INPP4B: variants seen among roughly 807,000 people sequenced by gnomAD.
INPP4B encodes inositol polyphosphate 4-phosphatase type II.
INPP4B carries 55 observed loss-of-function variants against 122.5 expected under a neutral mutation model. The observed-to-expected ratio is 0.45, with a 90% CI of 0.36 to 0.56. INPP4B has a LOEUF of 0.56. Ranked by LOEUF, INPP4B falls within the 20% of genes least tolerant of loss-of-function variation. The pLI is 0.00. For missense variants in INPP4B, 1,000 were observed against 1,097.7 expected, an observed-to-expected ratio of 0.91 and a Z score of 1.26; for synonymous variants, 403 against 388.7, an observed-to-expected ratio of 1.04 and a Z score of -0.43.
At chr4:142,669,187 G>A (rs531894887) in intron 2 of INPP4B, among the ~76,000 whole-genome samples, 63 of 152,252 alleles carry the variant, frequency 4.1e-4, no homozygotes, top group African/African-American at 1.5e-3. Flanking sequence ...TAAATGGAAA[G>A]ATATCCTGTG....
At chr4:142,428,774 G>C (rs2149358073) in intron 5 of INPP4B, among the ~76,000 whole-genome samples, 1 of 152,060 alleles carries the variant, frequency 6.6e-6, no homozygotes, top group East Asian at 1.9e-4. Context: ...GAGAGAAATG[G>C]GCAAGAATCC....
intron 2 of INPP4B, among the ~76,000 whole-genome samples, chr4:142,501,470 C>T (rs1218086460): frequency 6.6e-6 from 1 of 152,026 alleles, no homozygotes; most frequent in East Asian, 1.9e-4. Context: ...TGAATTATCA[C>T]TGCCAGAAAC....
At chr4:142,221,541 G>A (rs1002666588) in intron 12 of INPP4B, among the ~76,000 whole-genome samples, 3 of 151,944 alleles carry the variant, frequency 2.0e-5, no homozygotes, top group African/African-American at 7.2e-5. Context: ...CAAGGATTGA[G>A]TAGACAGTAT....
chr4:142,590,407 G>T (rs1229467015), intron 2 of INPP4B, among the ~76,000 whole-genome samples: 1 of 152,186 alleles, frequency 6.6e-6, no homozygotes, highest in African/African-American at 2.4e-5. Flanking sequence ...TGTGTTTAGT[G>T]ATTAAGACTG....
chr4:142,265,274 TC>T (rs1332588142), intron 10 of INPP4B, among the ~76,000 whole-genome samples: 5 of 152,360 alleles, frequency 3.3e-5, no homozygotes, highest in Non-Finnish European at 7.3e-5. Flanking sequence ...TGTGTCACTT[TC>T]ATGGCACATG....
intron 2 of INPP4B, among the ~76,000 whole-genome samples, chr4:142,578,316 A>G (rs1411968608): frequency 1.3e-5 from 2 of 151,914 alleles, no homozygotes. Context: ...CCTCGTGACT[A>G]TCTTATTTTT....
chr4:142,505,907 T>C (rs1356496591), intron 2 of INPP4B, among the ~76,000 whole-genome samples: 1 of 152,224 alleles, frequency 6.6e-6, no homozygotes, highest in Non-Finnish European at 1.5e-5. Flanking sequence ...ATTCCTGCAA[T>C]GCCTACTCAA....
intron 7 of INPP4B, among the ~76,000 whole-genome samples, chr4:142,368,275 G>C (rs1471534982): frequency 6.6e-6 from 1 of 151,952 alleles, no homozygotes; most frequent in Non-Finnish European, 1.5e-5. Context: ...TGTATCTATA[G>C]TTCCAAACAT....
At chr4:142,556,260 T>G (rs927434120) in intron 2 of INPP4B, among the ~76,000 whole-genome samples, 5 of 152,180 alleles carry the variant, frequency 3.3e-5, no homozygotes, top group Admixed American at 6.5e-5. Context: ...AGAAACTTCT[T>G]TGGTGCAAGT....
intron 23 of INPP4B, among the ~76,000 whole-genome samples, chr4:142,090,381 A>G (rs1778948777): frequency 7.7e-6 from 1 of 129,778 alleles, no homozygotes; most frequent in Non-Finnish European, 1.7e-5. Flanking sequence ...TCAACCCAAT[A>G]CTTGGGTTGC....
chr4:142,314,893 C>T (rs1237670867), intron 7 of INPP4B, 131 bp from the exon 8 acceptor site: 1 of 724,630 alleles, frequency 1.4e-6, no homozygotes, highest in Non-Finnish European at 2.3e-6. Context: ...AATGAATTCA[C>T]CTGTGTGCAA....
chr4:142,190,648 A>C (rs1208874066), intron 15 of INPP4B, among the ~76,000 whole-genome samples: 1 of 152,136 alleles, frequency 6.6e-6, no homozygotes, highest in East Asian at 1.9e-4. Context: ...AAAAATTTAA[A>C]GCAATCAGTG....
intron 9 of INPP4B, among the ~76,000 whole-genome samples, chr4:142,278,255 A>G (rs1579568194): frequency 6.6e-6 from 1 of 151,898 alleles, no homozygotes; most frequent in African/African-American, 2.4e-5. Flanking sequence ...AGAATCTTAA[A>G]TATCATTGAA....
intron 1 of INPP4B, among the ~76,000 whole-genome samples, chr4:142,766,456 C>A (rs1160872413): frequency 2.0e-5 from 3 of 151,876 alleles, no homozygotes; most frequent in African/African-American, 7.3e-5. Flanking sequence ...ACAATCTTGG[C>A]TCACTGCAAC....
intron 10 of INPP4B, among the ~76,000 whole-genome samples, chr4:142,261,615 C>G (rs973897866): frequency 6.6e-6 from 1 of 152,140 alleles, no homozygotes; most frequent in African/African-American, 2.4e-5. Context: ...CTCCAAGGCT[C>G]TATCAGCCTT....
At chr4:142,184,425 T>C (rs1832257375) in intron 15 of INPP4B, among the ~76,000 whole-genome samples, 1 of 152,212 alleles carries the variant, frequency 6.6e-6, no homozygotes, top group Non-Finnish European at 1.5e-5. Flanking sequence ...CAAGTGTCTT[T>C]TTGTTTCTGT....
chr4:142,724,819 T>C (rs1001971251), intron 2 of INPP4B, among the ~76,000 whole-genome samples: 1 of 152,122 alleles, frequency 6.6e-6, no homozygotes, highest in African/African-American at 2.4e-5. Context: ...AGTTCAGAAA[T>C]AAGCTTTCTG....
intron 7 of INPP4B, among the ~76,000 whole-genome samples, chr4:142,383,426 T>C (rs1794883081): frequency 6.6e-6 from 1 of 152,158 alleles, no homozygotes; most frequent in Non-Finnish European, 1.5e-5. Context: ...ACCTAGGCTA[T>C]GAGGTTGTGG....
At chr4:142,621,069 G>A (rs576730230) in intron 2 of INPP4B, among the ~76,000 whole-genome samples, 55 of 151,700 alleles carry the variant, frequency 3.6e-4, no homozygotes, top group Admixed American at 3.2e-3. Context: ...TAATGTCTTA[G>A]TTATATCCAG....
Sources: gnomAD v4.1 joint callset for allele counts (sites outside exome capture counted in the v4.1 genomes callset) on GRCh38, gnomAD v4.1.1 for gene constraint, MANE v1.5 for transcripts, NCBI Gene and HGNC (gene_info 2026-07-23, HGNC 2026-07-21) for gene names.